The following NTRK3 variants were observed in gnomAD, a reference collection of about 807,000 sequenced individuals.
The protein encoded by NTRK3 is NT-3 growth factor receptor.
A neutral mutation model predicts 91.7 loss-of-function variants in NTRK3; 24 were observed. That is an observed-to-expected ratio of 0.26 (90% CI 0.19 to 0.37). NTRK3 has a LOEUF of 0.37. Ranked by LOEUF, NTRK3 falls within the 10% of genes least tolerant of loss-of-function variation. The pLI is 1.00. For missense variants in NTRK3, 880 were observed against 1,068.9 expected, an observed-to-expected ratio of 0.82 and a Z score of 2.46; for synonymous variants, 483 against 404.0, an observed-to-expected ratio of 1.20 and a Z score of -2.34.
intron 13 of NTRK3, among the ~76,000 whole-genome samples, chr15:88,053,557 A>AGGGGTAT (rs1276253344): frequency 4.6e-5 from 7 of 152,196 alleles, no homozygotes; most frequent in Admixed American, 3.9e-4. Flanking sequence ...TACGTTGGTC[A>AGGGGTAT]GGGGTATGGG....
chr15:88,126,767 G>T (rs527382258), intron 12 of NTRK3, among the ~76,000 whole-genome samples: 52 of 152,256 alleles, frequency 3.4e-4, no homozygotes, highest in African/African-American at 1.1e-3. Flanking sequence ...ATTCTAAAAA[G>T]AATCCTTTCT....
chr15:88,233,533 G>T lies in NTRK3; in HGVS notation c.248+22373C>A. On this transcript the variant is annotated intron_variant, in intron 3 of 18. Transcript: ENST00000394480. This position sits in a 1 kb window ranked among gnomAD's most constrained non-coding sequence, Gnocchi z 4.2. ...CCCAAGACCCTCTAATCCCCCAGCT[G>T]CAGAGACTCCCCCAAGGACTTCCTA... 6.6e-6 allele frequency among the ~76,000 whole-genome samples: 1 copy of T among 152,158 alleles called. No individual in the cohort carries two copies. Among genetic ancestry groups the T allele is most frequent in the Admixed American group, 6.5e-5 (1 of 15,276 alleles).
chr15:88,242,158 C>A (rs1290383528), intron 3 of NTRK3, among the ~76,000 whole-genome samples: 2 of 152,230 alleles, frequency 1.3e-5, no homozygotes, highest in Non-Finnish European at 2.9e-5. Flanking sequence ...CCCTCCCAGG[C>A]TTCCTGGGGT....
At chr15:88,220,513 C>A (rs2050149898) in intron 3 of NTRK3, among the ~76,000 whole-genome samples, 2 of 152,148 alleles carry the variant, frequency 1.3e-5, no homozygotes, top group Admixed American at 1.3e-4. Context: ...AATTTGGAAG[C>A]CTCGGATCTG....
intron 3 of NTRK3, among the ~76,000 whole-genome samples, chr15:88,225,300 T>C (rs1159502328): frequency 6.6e-6 from 1 of 152,196 alleles, no homozygotes; most frequent in Non-Finnish European, 1.5e-5. Flanking sequence ...AATACTGGGC[T>C]TAAGCAGGTA....
At chr15:87,961,104 G>A (rs959450295) in intron 14 of NTRK3, among the ~76,000 whole-genome samples, 2 of 152,174 alleles carry the variant, frequency 1.3e-5, no homozygotes, top group African/African-American at 4.8e-5. Context: ...TAGCAGCCTT[G>A]CATCTGATGA....
intron 13 of NTRK3, among the ~76,000 whole-genome samples, chr15:88,061,970 C>A (rs920022795): frequency 7.9e-5 from 12 of 151,956 alleles, no homozygotes; most frequent in African/African-American, 2.4e-4. Flanking sequence ...TTCAGCCAAC[C>A]GCAGATCAAA....
chr15:88,122,049 C>T (rs981960356), intron 13 of NTRK3, among the ~76,000 whole-genome samples: 1 of 152,108 alleles, frequency 6.6e-6, no homozygotes, highest in Non-Finnish European at 1.5e-5. Flanking sequence ...ATTGGAATTC[C>T]TACACATACC....
At chr15:87,970,846 A>G (rs913281132) in intron 14 of NTRK3, among the ~76,000 whole-genome samples, 3 of 152,182 alleles carry the variant, frequency 2.0e-5, no homozygotes, top group Non-Finnish European at 2.9e-5. Flanking sequence ...GGGGATTTCA[A>G]ATTAAGGGAG....
intron 14 of NTRK3, among the ~76,000 whole-genome samples, chr15:87,997,030 T>G (rs2075756845): frequency 6.6e-6 from 1 of 152,232 alleles, no homozygotes; most frequent in African/African-American, 2.4e-5. Context: ...ATGTAATTGC[T>G]GTGACTAACA....
At chr15:87,943,781 C>T (rs939447530) in intron 14 of NTRK3, among the ~76,000 whole-genome samples, 1 of 152,008 alleles carries the variant, frequency 6.6e-6, no homozygotes, top group Non-Finnish European at 1.5e-5. Context: ...CCTCAACATC[C>T]CAGAAGAGCC....
At chr15:88,157,448 G>A (rs767046660) in intron 5 of NTRK3, among the ~76,000 whole-genome samples, 47 of 152,146 alleles carry the variant, frequency 3.1e-4, no homozygotes, top group Non-Finnish European at 3.1e-4. Context: ...GTGCTGCCTC[G>A]GCAGGGCCCA....
At chr15:87,869,981 T>C (rs1567051753) in exon 19 of NTRK3, 1 of 192,622 alleles carries the variant, frequency 5.2e-6, no homozygotes, top group Non-Finnish European at 1.1e-5. Flanking sequence ...TCTTGTTGGG[T>C]TTTAGGGATG....
At chr15:87,905,266 G>A (rs2066695302) in intron 17 of NTRK3, among the ~76,000 whole-genome samples, 1 of 152,174 alleles carries the variant, frequency 6.6e-6, no homozygotes, top group Non-Finnish European at 1.5e-5. Flanking sequence ...TCCAAGGAAA[G>A]TATAGCATCA....
intron 3 of NTRK3, among the ~76,000 whole-genome samples, chr15:88,198,179 C>A (rs2047993870): frequency 1.3e-5 from 2 of 152,134 alleles, no homozygotes; most frequent in Non-Finnish European, 2.9e-5. Context: ...GGGAGGGTAA[C>A]CCTACTTGTA....
rs1323937633 is a variant in NTRK3 at position 87,884,700 on chromosome 15, G to C, written c.2134-4272C>G. On this transcript the variant is annotated intron_variant, in intron 17 of 18. Coordinates refer to ENST00000394480, the Ensembl canonical transcript of NTRK3. Reference sequence around the variant, plus strand: ...GAAATGTAAGAATGTCTCAACCTTGGGGAACCTACTGTTAAATTTACTAAA... The same window carrying C: ...GAAATGTAAGAATGTCTCAACCTTGCGGAACCTACTGTTAAATTTACTAAA... Among the ~76,000 whole-genome samples the C allele has an allele frequency of 2.6e-5, 4 of 151,606 alleles. No individual in the cohort carries two copies. In the East Asian group the frequency reaches 7.7e-4, roughly 29 times the overall value.
At chr15:87,882,894 C>T (rs2065330518) in intron 17 of NTRK3, among the ~76,000 whole-genome samples, 1 of 151,786 alleles carries the variant, frequency 6.6e-6, no homozygotes, top group Admixed American at 6.6e-5. Flanking sequence ...GAAAATGAAG[C>T]TTAGAAAACA....
chr15:88,134,967 T>G, intron 10 of NTRK3, 134 bp downstream of exon 10: 1 of 1,078,320 alleles, frequency 9.3e-7, no homozygotes, highest in Non-Finnish European at 1.4e-6. Context: ...GTTGCACATG[T>G]TCCAGTGTGT....
In NTRK3 at chr15:88,091,451, TAC is replaced by T. The variant is rs1239185706; in HGVS notation, c.1396+34818_1396+34819del. Among the ~76,000 whole-genome samples the T allele has an allele frequency of 2.6e-5, 4 of 152,372 alleles. No individual in the cohort carries two copies. The East Asian group carries it at 5.8e-4, about 22-fold the overall frequency. ...CTTATCGTTTCCTCTGCTCTCCTCTTACCCATTGATCAAATGGCAGTGGACAA... is the reference window on the plus strand; with the variant it reads ...CTTATCGTTTCCTCTGCTCTCCTCTTCCATTGATCAAATGGCAGTGGACAA... On this transcript the variant is annotated intron_variant, in intron 13 of 18. Coordinates refer to ENST00000394480, the Ensembl canonical transcript of NTRK3.
Sources: allele counts gnomAD v4.1 joint callset (sites outside exome capture counted in the v4.1 genomes callset), GRCh38; gene constraint gnomAD v4.1.1; non-coding constraint Gnocchi (gnomAD v3.1); transcripts MANE v1.5; gene names NCBI Gene and HGNC (gene_info 2026-07-23, HGNC 2026-07-21).